The following RYR2 variants were observed in gnomAD, a reference collection of about 807,000 sequenced individuals.
The protein encoded by RYR2 is ryanodine receptor 2.
Under a neutral mutation model 601.1 loss-of-function variants are expected in RYR2, and 227 were observed. The ratio of observed to expected loss-of-function variants is 0.38; its 90% CI spans 0.34 to 0.42. RYR2 has a LOEUF of 0.42. Ranked by LOEUF, RYR2 falls within the 10% of genes least tolerant of loss-of-function variation. The pLI is 1.00. For missense variants in RYR2, 4,646 were observed against 6,156.5 expected (o/e 0.75, Z 8.21); for synonymous variants, 2,223 against 2,175.1 (o/e 1.02, Z -0.61).
rs373107122 is a variant in RYR2 at position 237,393,839 on chromosome 1, G to A, written c.773+5656G>A. The stretch of plus-strand genomic sequence containing the variant: ...CTGCTGTAGTTTGTCATGTGTTCTG[G>A]AAGCCTGACTTGGTCTAGAGCCGCA... On this transcript the variant is annotated intron_variant, in intron 10 of 104. Coordinates refer to ENST00000366574, the MANE Select transcript of RYR2 (RefSeq NM_001035.3). Among the ~76,000 whole-genome samples the A allele has an allele frequency of 3.9e-5, 6 of 152,278 alleles. No homozygotes were observed. The East Asian group carries it at 7.7e-4, about 20-fold the overall frequency.
intron 7 of RYR2, among the ~76,000 whole-genome samples, chr1:237,375,222 A>T (rs1385514632): frequency 6.6e-6 from 1 of 152,236 alleles, no homozygotes; most frequent in Non-Finnish European, 1.5e-5. Context: ...CTCTGCCCAC[A>T]GGGCATTATT....
At chr1:237,104,214 T>C (rs1668429116) in intron 1 of RYR2, among the ~76,000 whole-genome samples, 3 of 152,182 alleles carry the variant, frequency 2.0e-5, no homozygotes, top group African/African-American at 4.8e-5. Flanking sequence ...GGCCTGGACC[T>C]GTGGGATTTG....
chr1:237,259,546 A>AAAGAG (rs1553368865), intron 1 of RYR2, among the ~76,000 whole-genome samples: 15,866 of 143,770 alleles, frequency 0.11, 1,640 homozygotes, highest in African/African-American at 0.26. Flanking sequence ...AAAAAAAAAA[A>AAAGAG]AGAGAGACTA....
chr1:237,768,127 G>C (rs997768626), intron 84 of RYR2, among the ~76,000 whole-genome samples: 1 of 152,136 alleles, frequency 6.6e-6, no homozygotes, highest in African/African-American at 2.4e-5. Context: ...TTCACTCGTA[G>C]CTTGGTTAAA....
chr1:237,568,922 T>C (rs187783073), intron 28 of RYR2, among the ~76,000 whole-genome samples: 185 of 152,310 alleles, frequency 1.2e-3, no homozygotes, highest in Non-Finnish European at 1.4e-3. Flanking sequence ...TGGATTTTTT[T>C]CCCAAGATTC....
At chr1:237,336,919 A>G (rs1374667205) in intron 3 of RYR2, among the ~76,000 whole-genome samples, 9 of 149,842 alleles carry the variant, frequency 6.0e-5, no homozygotes. Context: ...TTTTTATAAA[A>G]CCCCTATCTC....
chr1:237,112,973 C>T (rs72764044), intron 1 of RYR2, among the ~76,000 whole-genome samples: 229 of 152,182 alleles, frequency 1.5e-3, no homozygotes, highest in Non-Finnish European at 2.3e-3. Context: ...ATAAGCTTCA[C>T]GGAACCTCAA....
intron 32 of RYR2, 122 bp from the exon 33 acceptor site, chr1:237,593,354 G>T (rs1233376466): frequency 2.1e-6 from 2 of 948,716 alleles, no homozygotes; most frequent in Non-Finnish European, 1.5e-6. Context: ...CACCCAAACG[G>T]TTTTAAACCA....
intron 2 of RYR2, among the ~76,000 whole-genome samples, chr1:237,321,262 C>T (rs1460146808): frequency 6.6e-6 from 1 of 152,064 alleles, no homozygotes; most frequent in Non-Finnish European, 1.5e-5. Context: ...GTATAATTGT[C>T]TCTACATTTT....
At chr1:237,631,613 A>ATTTTTTTTTTTTTTCTTTTTTTT (rs1680265300) in intron 42 of RYR2, 72 bp downstream of exon 42, 1 of 191,274 alleles carries the variant, frequency 5.2e-6, no homozygotes, top group African/African-American at 6.8e-5. Flanking sequence ...TAGAATGCAG[A>ATTTTTTTTTTTTTTCTTTTTTTT]TTTTTTTTTT....
chr1:237,702,564 G>A (rs905473472), intron 66 of RYR2, among the ~76,000 whole-genome samples: 5 of 151,986 alleles, frequency 3.3e-5, no homozygotes, highest in African/African-American at 1.2e-4. Context: ...AAGAAAAACA[G>A]GGAAGTTTTT....
chr1:237,312,550 G>A lies in RYR2; in HGVS notation c.169-18328G>A, dbSNP rs1694684572. Reference sequence around the variant, plus strand: ...ACAATGAAAAACTACCTGCTTTCTGGTAACCTTACCTTGGAGAGAATATTT... The same window carrying A: ...ACAATGAAAAACTACCTGCTTTCTGATAACCTTACCTTGGAGAGAATATTT... On this transcript the variant is annotated intron_variant, in intron 2 of 104. Coordinates refer to ENST00000366574, the MANE Select transcript of RYR2 (RefSeq NM_001035.3). Among the ~76,000 whole-genome samples, 7 of 152,246 alleles carry A rather than the reference G, an allele frequency of 4.6e-5. No homozygotes were observed. The South Asian group carries it at 1.5e-3, about 32-fold the overall frequency.
At chr1:237,314,865 T>A (rs1379185536) in intron 2 of RYR2, among the ~76,000 whole-genome samples, 1 of 152,188 alleles carries the variant, frequency 6.6e-6, no homozygotes, top group Non-Finnish European at 1.5e-5. Flanking sequence ...TGAACCACTA[T>A]TGCCATAAAT....
intron 24 of RYR2, among the ~76,000 whole-genome samples, chr1:237,527,431 A>G (rs1283317312): frequency 3.3e-5 from 5 of 152,222 alleles, no homozygotes; most frequent in South Asian, 2.1e-4. Context: ...GCCATCACAC[A>G]TAATGAGAAA....
At chr1:237,767,028 G>C (rs1215609199) in intron 84 of RYR2, among the ~76,000 whole-genome samples, 1 of 131,702 alleles carries the variant, frequency 7.6e-6, no homozygotes, top group Non-Finnish European at 1.6e-5. Context: ...TTTGTGCTTT[G>C]TAGACTTCAA....
chr1:237,148,866 C>T (rs1674376047), intron 1 of RYR2, among the ~76,000 whole-genome samples: 1 of 152,030 alleles, frequency 6.6e-6, no homozygotes. Flanking sequence ...GTTGGAATTG[C>T]CCTGCCCTTT....
chr1:237,696,884 C>G (rs1687498297), intron 63 of RYR2, among the ~76,000 whole-genome samples: 5 of 152,128 alleles, frequency 3.3e-5, no homozygotes, highest in Admixed American at 3.3e-4. Flanking sequence ...TGATTCCGTT[C>G]CTGCAGTAGG....
At chr1:237,601,743 A>T (rs1676526449) in intron 34 of RYR2, among the ~76,000 whole-genome samples, 1 of 152,188 alleles carries the variant, frequency 6.6e-6, no homozygotes. Context: ...GTAAATTAGA[A>T]ATTAAAAGAA....
intron 1 of RYR2, among the ~76,000 whole-genome samples, chr1:237,203,942 A>G (rs1681486752): frequency 6.6e-6 from 1 of 152,204 alleles, no homozygotes; most frequent in Non-Finnish European, 1.5e-5. Flanking sequence ...ATGAAATAAT[A>G]CAGTGTGGGC....
Sources: gnomAD v4.1 joint callset for allele counts (sites outside exome capture counted in the v4.1 genomes callset) on GRCh38, gnomAD v4.1.1 for gene constraint, MANE v1.5 for transcripts, NCBI Gene and HGNC (gene_info 2026-07-23, HGNC 2026-07-21) for gene names.